VRK1: variants seen among roughly 807,000 people sequenced by gnomAD.
The protein encoded by VRK1 is serine/threonine-protein kinase VRK1.
VRK1 carries 33 observed loss-of-function variants against 57.1 expected under a neutral mutation model. The observed-to-expected ratio is 0.58, with a 90% CI of 0.44 to 0.77. The LOEUF (loss-of-function observed/expected upper bound fraction) is 0.77, where lower values mean the gene tolerates loss of function less well. Among genes scored for constraint, VRK1 ranks in the 30% least tolerant of loss-of-function variants. VRK1 has a pLI of 0.00. For synonymous variants in VRK1, 137 were observed against 147.8 expected, an observed-to-expected ratio of 0.93 and a Z score of 0.53; for missense variants, 413 against 477.3, an observed-to-expected ratio of 0.87 and a Z score of 1.25.
intron 1 of VRK1, among the ~76,000 whole-genome samples, chr14:96,819,588 A>G (rs1001484950): frequency 2.0e-5 from 3 of 152,206 alleles, no homozygotes; most frequent in African/African-American, 7.2e-5. Context: ...GCTCAAACAC[A>G]TCTTTATCAA....
rs754689821 is a variant in VRK1, at chr14:96,833,544, G to A, written c.73G>A (p.Val25Ile). 1 of 1,613,738 alleles carries A rather than the reference G, an allele frequency of 6.2e-7. No individual in the cohort carries two copies. Among genetic ancestry groups the A allele is most frequent in the South Asian group, 1.1e-5 (1 of 91,090 alleles). ...GAGACATCTTGCAGAACAATTTGCA[G>A]TTGGAGAGATAATAACTGACATGGC... ...AKRHLAEQFA[V>I]GEIITDMAKK... The change falls in exon 2 of 13, where the codon GTT (valine) becomes ATT (isoleucine). Residue 25 changes from valine (V) to isoleucine (I), a missense_variant. By Grantham distance (29) the Val-to-Ile change is conservative. Transcript: ENST00000216639.
chr14:96,812,372 A>T (rs989029554), intron 1 of VRK1, among the ~76,000 whole-genome samples: 11 of 152,160 alleles, frequency 7.2e-5, no homozygotes, highest in African/African-American at 2.7e-4. Flanking sequence ...TCTTACTAAC[A>T]ATCTGTAAGG....
chr14:96,852,540 C>G (rs971382452), intron 5 of VRK1, among the ~76,000 whole-genome samples: 1 of 151,814 alleles, frequency 6.6e-6, no homozygotes, highest in Non-Finnish European at 1.5e-5. Context: ...TTATTTTTAC[C>G]GTGAATAAAC....
intron 5 of VRK1, 135 bp downstream of exon 5, chr14:96,847,479 C>CAT (rs1337594259): frequency 4.1e-6 from 3 of 730,580 alleles, no homozygotes; most frequent in Non-Finnish European, 7.3e-6. Flanking sequence ...GTGTATGTGA[C>CAT]AGAGAGGAAT....
chr14:96,876,013 T>G lies in VRK1; in HGVS notation c.1069-17T>G. ...CTGTCAGATATCTCTCTCTCTCTCT[T>G]TAATTTTATATGTAAGAAGCGAAAG... On this transcript the variant is annotated splice_polypyrimidine_tract_variant and intron_variant, in intron 11 of 12. Coordinates refer to ENST00000216639, the MANE Select transcript of VRK1 (RefSeq NM_003384.3). 3.1e-6 allele frequency: 5 copies of G among 1,610,600 alleles called. No individual in the cohort carries two copies. The highest frequency in any genetic ancestry group is 4.2e-6 in the Non-Finnish European group (5 of 1,177,892).
chr14:96,804,933 G>T (rs948140123), intron 1 of VRK1, among the ~76,000 whole-genome samples: 1 of 152,200 alleles, frequency 6.6e-6, no homozygotes, highest in African/African-American at 2.4e-5. Context: ...TCGTATTTAT[G>T]CTACTGTTAT....
intron 1 of VRK1, among the ~76,000 whole-genome samples, chr14:96,807,921 C>T (rs2139686631): frequency 6.6e-6 from 1 of 152,138 alleles, no homozygotes; most frequent in Non-Finnish European, 1.5e-5. Flanking sequence ...AGAAGTCACT[C>T]TCTCTGTCTC....
chr14:96,799,463 G>T (rs1287581715), intron 1 of VRK1, among the ~76,000 whole-genome samples: 1 of 151,380 alleles, frequency 6.6e-6, no homozygotes, highest in Non-Finnish European at 1.5e-5. Flanking sequence ...TCCCTAATAA[G>T]ATATAATGTA....
chr14:96,871,421 A>C (rs1888817620), intron 11 of VRK1, among the ~76,000 whole-genome samples: 1 of 152,206 alleles, frequency 6.6e-6, no homozygotes, highest in African/African-American at 2.4e-5. Context: ...ATATGGATTG[A>C]TACTTCAATG....
At chr14:96,860,520 T>G in intron 10 of VRK1, 37 bp from the exon 11 acceptor site, 1 of 1,576,364 alleles carries the variant, frequency 6.3e-7, no homozygotes, top group South Asian at 1.1e-5. Flanking sequence ...GAGAGAAATA[T>G]ATTGAAAGTT....
At chr14:96,845,010 A>C (rs2139776562) in intron 3 of VRK1, among the ~76,000 whole-genome samples, 1 of 152,292 alleles carries the variant, frequency 6.6e-6, no homozygotes, top group African/African-American at 2.4e-5. Flanking sequence ...CTAGCAACCC[A>C]AAACTATAAG....
chr14:96,808,014 C>T (rs7494139), intron 1 of VRK1, among the ~76,000 whole-genome samples: 12,672 of 73,216 alleles, frequency 0.17, 813 homozygotes, highest in Middle Eastern at 0.26. Context: ...TCTCTCTCTC[C>T]CTCTGTGTGT....
chr14:96,860,549 T>A lies in VRK1; in HGVS notation c.890-8T>A. On this transcript the variant is annotated splice_polypyrimidine_tract_variant and splice_region_variant and intron_variant, in intron 10 of 12. Coordinates refer to ENST00000216639, the MANE Select transcript of VRK1 (RefSeq NM_003384.3). ...GAAAGTTATAAAATGATTGTGTTATTCTTTTAGGTGAAATTGCCAAATACA... is the reference window on the plus strand; with the variant it reads ...GAAAGTTATAAAATGATTGTGTTATACTTTTAGGTGAAATTGCCAAATACA... The A allele has an allele frequency of 6.2e-7, 1 of 1,610,298 alleles. No individual in the cohort carries two copies. Among genetic ancestry groups the A allele is most frequent in the Admixed American group, 1.7e-5 (1 of 59,884 alleles).
chr14:96,835,935 T>TA (rs1278386948), intron 2 of VRK1, among the ~76,000 whole-genome samples: 1 of 152,148 alleles, frequency 6.6e-6, no homozygotes, highest in Non-Finnish European at 1.5e-5. Flanking sequence ...GATCAGATAA[T>TA]ACGATCATCC....
chr14:96,844,731 G>C (rs1887606974), intron 3 of VRK1, among the ~76,000 whole-genome samples: 1 of 152,022 alleles, frequency 6.6e-6, no homozygotes, highest in African/African-American at 2.4e-5. Context: ...TAGTAGAGAT[G>C]GGGTTTCACC....
chr14:96,870,532 T>C (rs1888779978), intron 11 of VRK1, among the ~76,000 whole-genome samples: 1 of 152,190 alleles, frequency 6.6e-6, no homozygotes, highest in African/African-American at 2.4e-5. Context: ...CCGTAGTTCA[T>C]TGAATCTCTG....
chr14:96,840,034 C>G (rs1333506858), intron 3 of VRK1, among the ~76,000 whole-genome samples: 1 of 152,108 alleles, frequency 6.6e-6, no homozygotes, highest in African/African-American at 2.4e-5. Flanking sequence ...TGTCGTTGTT[C>G]GTGAAGGATA....
intron 11 of VRK1, among the ~76,000 whole-genome samples, chr14:96,869,094 C>G (rs1166266644): frequency 6.6e-6 from 1 of 151,912 alleles, no homozygotes; most frequent in Non-Finnish European, 1.5e-5. Flanking sequence ...CGCCCGGCCT[C>G]GTGTAAAAAT....
intron 1 of VRK1, among the ~76,000 whole-genome samples, chr14:96,802,960 T>C (rs1349126554): frequency 6.6e-6 from 1 of 152,190 alleles, no homozygotes; most frequent in Non-Finnish European, 1.5e-5. Flanking sequence ...CTGGGTCATA[T>C]AGTGATAAAA....
Sources: allele counts gnomAD v4.1 joint callset (sites outside exome capture counted in the v4.1 genomes callset), GRCh38; gene constraint gnomAD v4.1.1; transcripts MANE v1.5; gene names NCBI Gene and HGNC (gene_info 2026-07-23, HGNC 2026-07-21).